BMPER: variants seen among roughly 807,000 people sequenced by gnomAD.
BMPER encodes the protein BMP-binding endothelial regulator protein.
BMPER carries 45 observed loss-of-function variants against 87.3 expected under a neutral mutation model. That is an observed-to-expected ratio of 0.52 (90% CI 0.41 to 0.66). The LOEUF is 0.66. Ranked by LOEUF, BMPER falls within the 30% of genes least tolerant of loss-of-function variation. The pLI is 0.00. For missense variants in BMPER, 784 were observed against 867.5 expected, an observed-to-expected ratio of 0.90 and a Z score of 1.21; for synonymous variants, 326 against 316.2, an observed-to-expected ratio of 1.03 and a Z score of -0.33.
chr7:34,086,078 C>T lies in BMPER; in HGVS notation c.1731C>T (p.Tyr577=), dbSNP rs549887524. The T allele has an allele frequency of 1.8e-4, 296 of 1,613,910 alleles. No homozygotes were observed. Among genetic ancestry groups the T allele is most frequent in the Middle Eastern group, 4.9e-4 (3 of 6,062 alleles). Reference sequence around the variant, plus strand: ...AGACCTGCCACTCGACTGTGGACTACGCCACTTTCTACCGGTAAGTACAGT... The same window carrying T: ...AGACCTGCCACTCGACTGTGGACTATGCCACTTTCTACCGGTAAGTACAGT... ...EFQTCHSTVD[Y]ATFYRSCVTD... The change falls in exon 13 of 15, where the codon TAC becomes TAT. Residue 577 remains tyrosine, a synonymous_variant. Coordinates refer to ENST00000649409, the MANE Select transcript of BMPER (RefSeq NM_001365308.1).
At chr7:34,142,587 G>C (rs2127994519) in intron 13 of BMPER, among the ~76,000 whole-genome samples, 1 of 152,292 alleles carries the variant, frequency 6.6e-6, no homozygotes, top group East Asian at 1.9e-4. Flanking sequence ...TCTAATTAGA[G>C]ACCTGAAATG....
intron 6 of BMPER, among the ~76,000 whole-genome samples, chr7:33,975,762 A>G (rs1458724422): frequency 6.6e-6 from 1 of 152,174 alleles, no homozygotes; most frequent in Non-Finnish European, 1.5e-5. Flanking sequence ...TAGCATGCTA[A>G]TTTCACCAAA....
intron 6 of BMPER, 112 bp from the exon 7 acceptor site, chr7:34,046,194 T>C (rs1347473739): frequency 4.0e-6 from 4 of 990,576 alleles, no homozygotes; most frequent in East Asian, 4.8e-5. Flanking sequence ...GAGCAGTCAG[T>C]CTAGGGACCT....
intron 10 of BMPER, among the ~76,000 whole-genome samples, chr7:34,059,460 G>A: frequency 6.6e-6 from 1 of 152,066 alleles, no homozygotes; most frequent in Non-Finnish European, 1.5e-5. Context: ...TCATCATTGT[G>A]GACCACATTT....
intron 13 of BMPER, among the ~76,000 whole-genome samples, chr7:34,107,070 A>C (rs951592679): frequency 3.9e-5 from 6 of 152,178 alleles, no homozygotes; most frequent in African/African-American, 1.2e-4. Flanking sequence ...GTCTTTAATC[A>C]GAATTTAGGT....
rs572049112 is a variant in BMPER at position 34,051,151 on chromosome 7, T to C, written c.677-710T>C. On this transcript the variant is annotated intron_variant, in intron 7 of 14. Transcript: ENST00000649409. ...TGGTGAGGGTTCTCTCTGGAGCCTC[T>C]TTTATAAGGGCACTAATCTAAGTCA... Among the ~76,000 whole-genome samples, 182 of 152,270 alleles carry C rather than the reference T, an allele frequency of 1.2e-3. 1 individual carries two copies. The highest frequency in any genetic ancestry group is 6.8e-3 in the Middle Eastern group (2 of 292).
Position 34,048,908 on chromosome 7 carries a change from G to A in BMPER, c.676+2503G>A, listed in dbSNP as rs983037147. ...TGGACCATGATGACTTTGGGATTAAGGTTAAGATTTTATGCTCTTTGAGGG... is the reference window on the plus strand; with the variant it reads ...TGGACCATGATGACTTTGGGATTAAAGTTAAGATTTTATGCTCTTTGAGGG... On this transcript the variant is annotated intron_variant, in intron 7 of 14. Coordinates refer to ENST00000649409, the MANE Select transcript of BMPER (RefSeq NM_001365308.1). Among the ~76,000 whole-genome samples, 3 of 152,088 alleles carry A rather than the reference G, an allele frequency of 2.0e-5. No individual in the cohort carries two copies. The East Asian group carries it at 5.8e-4, about 29-fold the overall frequency.
chr7:34,029,462 G>T (rs528280255), intron 6 of BMPER, among the ~76,000 whole-genome samples: 1 of 152,138 alleles, frequency 6.6e-6, no homozygotes, highest in South Asian at 2.1e-4. Flanking sequence ...AGCTCTTGCT[G>T]CTCCCAGCTT....
intron 3 of BMPER, among the ~76,000 whole-genome samples, chr7:33,943,517 T>C (rs956669205): frequency 3.3e-5 from 5 of 152,222 alleles, no homozygotes; most frequent in African/African-American, 4.8e-5. Context: ...CAGCTTGTCA[T>C]TCCTGTCAGG....
chr7:33,912,534 TA>T (rs1275388681), intron 2 of BMPER, among the ~76,000 whole-genome samples: 6 of 151,960 alleles, frequency 3.9e-5, no homozygotes, highest in African/African-American at 7.3e-5. Flanking sequence ...AGAATGCAAA[TA>T]GGGGGAGGGC....
chr7:33,993,835 A>G (rs1281905890), intron 6 of BMPER, among the ~76,000 whole-genome samples: 1 of 152,104 alleles, frequency 6.6e-6, no homozygotes, highest in African/African-American at 2.4e-5. Context: ...TTTTCCTTCT[A>G]ACAGACAGGA....
intron 2 of BMPER, among the ~76,000 whole-genome samples, chr7:33,908,173 T>C (rs1225863023): frequency 1.3e-5 from 2 of 152,222 alleles, no homozygotes; most frequent in African/African-American, 4.8e-5. Context: ...TTTGACTCAG[T>C]TGTAGATTTA....
At chr7:34,055,071 A>C in intron 8 of BMPER, 92 bp from the exon 9 acceptor site, 1 of 1,550,898 alleles carries the variant, frequency 6.4e-7, no homozygotes, top group East Asian at 2.2e-5. Context: ...ACTTTGACAC[A>C]GATAGTTATG....
At chr7:33,994,726 G>T (rs966279209) in intron 6 of BMPER, among the ~76,000 whole-genome samples, 1 of 152,130 alleles carries the variant, frequency 6.6e-6, no homozygotes, top group Non-Finnish European at 1.5e-5. Context: ...GCCATGGGGG[G>T]ATTGTTGTGA....
chr7:33,933,096 G>T (rs1430398634), intron 2 of BMPER, among the ~76,000 whole-genome samples: 1 of 152,204 alleles, frequency 6.6e-6, no homozygotes, highest in Non-Finnish European at 1.5e-5. Context: ...CCGGAATCCT[G>T]TTTGAACTTG....
intron 12 of BMPER, among the ~76,000 whole-genome samples, chr7:34,082,226 A>G (rs1180262785): frequency 2.0e-5 from 3 of 152,158 alleles, no homozygotes; most frequent in Non-Finnish European, 2.9e-5. Context: ...TGCAGGAAGG[A>G]CTATCATCAG....
At chr7:34,091,124 G>A (rs1203152988) in intron 13 of BMPER, among the ~76,000 whole-genome samples, 2 of 152,142 alleles carry the variant, frequency 1.3e-5, no homozygotes, top group African/African-American at 4.8e-5. Context: ...GACTGCCAGT[G>A]GCTTGCATCC....
In BMPER at chr7:34,031,883, CATATATATATATATATATATATAT is replaced by C. The variant is rs757962483; in HGVS notation, c.577-14401_577-14378del. Among the ~76,000 whole-genome samples the C allele has an allele frequency of 7.3e-4, 39 of 53,068 alleles. 1 individual carries two copies. In the South Asian group the frequency reaches 9.0e-3, roughly 12 times the overall value. 34.8% of individuals were successfully genotyped at this position (53,068 alleles called of 152,430 possible). A position where few individuals can be genotyped will look rare whatever the true frequency, so the allele number is the denominator to read the frequency against. On this transcript the variant is annotated intron_variant, in intron 6 of 14. Coordinates refer to ENST00000649409, the MANE Select transcript of BMPER (RefSeq NM_001365308.1). ...GCATGGCATTTAAAATTAATTTGAC[CATATATATATATATATATATATAT>C]ATATATATATATATATATATACACA...
chr7:33,905,438 T>TCCCCCCCCCCCCCCCCCCCCCCCC, upstream of BMPER: 4 of 23,004 alleles, frequency 1.7e-4, no homozygotes, highest in Non-Finnish European at 3.3e-4. Context: ...CCTTGGTCTC[T>TCCCCCCCCCCCCCCCCCCCCCCCC]CCCCCCGCCC....
Sources: gnomAD v4.1 joint callset for allele counts (sites outside exome capture counted in the v4.1 genomes callset) on GRCh38, gnomAD v4.1.1 for gene constraint, MANE v1.5 for transcripts, NCBI Gene and HGNC (gene_info 2026-07-23, HGNC 2026-07-21) for gene names.